The following PDE10A variants were observed in gnomAD, a reference collection of about 807,000 sequenced individuals.
PDE10A encodes the protein phosphodiesterase 10A.
Under a neutral mutation model 97.7 loss-of-function variants are expected in PDE10A, and 39 were observed. That is an observed-to-expected ratio of 0.40 (90% CI 0.31 to 0.52). PDE10A has a LOEUF of 0.52. Among genes scored for constraint, PDE10A ranks in the 20% least tolerant of loss-of-function variants. The pLI is 0.56. For synonymous variants in PDE10A, 371 were observed against 376.8 expected (o/e 0.98, Z 0.18); for missense variants, 731 against 1,047.8 (o/e 0.70, Z 4.17).
intron 1 of PDE10A, among the ~76,000 whole-genome samples, chr6:165,751,486 C>T (rs1168454114): frequency 6.6e-6 from 1 of 152,176 alleles, no homozygotes; most frequent in Non-Finnish European, 1.5e-5. Context: ...CTCCTCTCCC[C>T]TTGGGGTGCC....
Position 165,332,161 on chromosome 6 carries a change from C to T in PDE10A, c.*864G>A, listed in dbSNP as rs1260753942. ...ATTATGAAAAATGTACCCTTCGTAT[C>T]CATAAGACTTGTCCATTAAAAAAAT... On this transcript the variant is annotated 3_prime_UTR_variant, in exon 22 of 22. Transcript: ENST00000539869. The T allele has an allele frequency of 6.6e-6, 1 of 152,086 alleles. No individual in the cohort carries two copies. The highest frequency in any genetic ancestry group is 6.5e-5 in the Admixed American group (1 of 15,274). The allele number at this position is 152,086 out of a possible 1,614,324, so 9.4% of individuals were successfully genotyped here.
rs999592324 is a variant in PDE10A, at chr6:165,388,747, A to G, written c.2455-294T>C. Among the ~76,000 whole-genome samples, 4 of 152,218 alleles carry G rather than the reference A, an allele frequency of 2.6e-5. No homozygotes were observed. Among genetic ancestry groups the G allele is most frequent in the Admixed American group, 2.0e-4 (3 of 15,284 alleles). On this transcript the variant is annotated intron_variant, in intron 16 of 21. Coordinates refer to ENST00000539869, the MANE Select transcript of PDE10A (RefSeq NM_001385079.1). The surrounding 1 kb of genome is among the most constrained non-coding windows in gnomAD (Gnocchi z 4.0). ...AAAGGTGCAGGAGGTATCAACTTAA[A>G]GGTATAAAGCAAATGTTCCAAAAAA...
At chr6:165,764,848 G>C (rs867457585) in intron 1 of PDE10A, among the ~76,000 whole-genome samples, 6 of 152,014 alleles carry the variant, frequency 3.9e-5, no homozygotes, top group South Asian at 2.1e-4. Flanking sequence ...CTGCTGGCTC[G>C]GGCAGCCTGC....
intron 1 of PDE10A, among the ~76,000 whole-genome samples, chr6:165,849,823 A>G (rs1318224242): frequency 8.6e-5 from 2 of 23,224 alleles, no homozygotes; most frequent in East Asian, 2.2e-3. Context: ...GTGTTTTAGG[A>G]AAAAAAAATT....
Position 165,747,993 on chromosome 6 carries a change from G to A in PDE10A, c.-614-204425C>T, listed in dbSNP as rs530769986. ...AGGGACCTTCCAGACTATTGTTGCC[G>A]CAGCCAATAGCCCCAATTGGTGCTC... On this transcript the variant is annotated intron_variant, in intron 1 of 19. Coordinates refer to the PDE10A transcript ENST00000366882. 1.6e-4 allele frequency among the ~76,000 whole-genome samples: 24 copies of A among 152,232 alleles called. 1 individual carries two copies. The highest frequency in any genetic ancestry group is 5.8e-4 in the East Asian group (3 of 5,176).
intron 1 of PDE10A, among the ~76,000 whole-genome samples, chr6:165,729,523 T>G (rs1487696731): frequency 6.6e-6 from 1 of 152,078 alleles, no homozygotes; most frequent in Non-Finnish European, 1.5e-5. Context: ...AACCCAAAAT[T>G]CACCCAATTT....
At chr6:165,353,241 C>T (rs535408938) in intron 18 of PDE10A, among the ~76,000 whole-genome samples, 1 of 152,126 alleles carries the variant, frequency 6.6e-6, no homozygotes, top group South Asian at 2.1e-4. Flanking sequence ...GGTGGGAATG[C>T]AAAAAGGTAC....
At chr6:165,718,892 G>A (rs1027600913) in intron 1 of PDE10A, among the ~76,000 whole-genome samples, 2 of 152,090 alleles carry the variant, frequency 1.3e-5, no homozygotes, top group Non-Finnish European at 2.9e-5. Context: ...CTTGGAAAGA[G>A]ACCATACAGG....
At chr6:165,770,163 C>CAAAAAA (rs11442419) in intron 1 of PDE10A, among the ~76,000 whole-genome samples, 6 of 127,896 alleles carry the variant, frequency 4.7e-5, no homozygotes, top group African/African-American at 1.8e-4. Flanking sequence ...TGCAAAAGGG[C>CAAAAAA]AAAAAAAAAA....
intron 1 of PDE10A, among the ~76,000 whole-genome samples, chr6:165,680,630 G>GCC (rs1470407908): frequency 6.6e-6 from 1 of 152,310 alleles, no homozygotes; most frequent in African/African-American, 2.4e-5. Flanking sequence ...CCAGCCAGGA[G>GCC]CGGGGGCTCA....
At chr6:165,815,418 G>A (rs1402819372) in intron 1 of PDE10A, among the ~76,000 whole-genome samples, 3 of 152,150 alleles carry the variant, frequency 2.0e-5, no homozygotes, top group Admixed American at 6.5e-5. Context: ...ACACCGTGGT[G>A]TAGAAAAAGA....
intron 2 of PDE10A, among the ~76,000 whole-genome samples, chr6:165,538,876 TGA>T (rs1040496725): frequency 3.9e-5 from 6 of 152,222 alleles, no homozygotes; most frequent in Non-Finnish European, 8.8e-5. Flanking sequence ...TTTAGTAATC[TGA>T]GTCTTGAAGG....
intron 2 of PDE10A, among the ~76,000 whole-genome samples, chr6:165,508,510 C>T (rs1213020482): frequency 6.6e-6 from 1 of 151,862 alleles, no homozygotes; most frequent in Admixed American, 6.6e-5. Flanking sequence ...GAGTTTTTTG[C>T]AACAACACAG....
At chr6:165,961,533 A>G (rs1784361435) in intron 1 of PDE10A, among the ~76,000 whole-genome samples, 1 of 152,168 alleles carries the variant, frequency 6.6e-6, no homozygotes, top group Admixed American at 6.5e-5. Flanking sequence ...TGCTTTACCC[A>G]TGACGTCAGC....
At chr6:165,832,318 C>T (rs536470830) in intron 1 of PDE10A, among the ~76,000 whole-genome samples, 21 of 151,716 alleles carry the variant, frequency 1.4e-4, no homozygotes, top group African/African-American at 2.2e-4. Flanking sequence ...CTCATTCAAC[C>T]GCTTAATTTA....
At chr6:165,805,876 A>G (rs1010986635) in intron 1 of PDE10A, among the ~76,000 whole-genome samples, 53 of 151,032 alleles carry the variant, frequency 3.5e-4, no homozygotes, top group African/African-American at 1.3e-3. Context: ...TGGGAACCCC[A>G]CAGAGTGCAC....
intron 13 of PDE10A, among the ~76,000 whole-genome samples, chr6:165,405,841 G>A (rs960283726): frequency 2.0e-5 from 3 of 152,166 alleles, no homozygotes; most frequent in Non-Finnish European, 4.4e-5. Flanking sequence ...CAGAGCAGGC[G>A]CTTTTGGAAA....
chr6:165,492,974 C>T (rs1562518258), intron 2 of PDE10A, among the ~76,000 whole-genome samples: 1 of 152,072 alleles, frequency 6.6e-6, no homozygotes, highest in African/African-American at 2.4e-5. Flanking sequence ...AACTGGTAAA[C>T]GAATTCAGCA....
intron 2 of PDE10A, among the ~76,000 whole-genome samples, chr6:165,537,443 G>A (rs1324171658): frequency 6.6e-6 from 1 of 151,934 alleles, no homozygotes; most frequent in Non-Finnish European, 1.5e-5. Context: ...AATGATAAAT[G>A]TTCGCAGTAG....
Sources: gnomAD v4.1 joint callset for allele counts (sites outside exome capture counted in the v4.1 genomes callset) on GRCh38, gnomAD v4.1.1 for gene constraint, Gnocchi (gnomAD v3.1) non-coding constraint, MANE v1.5 for transcripts, NCBI Gene and HGNC (gene_info 2026-07-23, HGNC 2026-07-21) for gene names.